TMEM26: variants seen among roughly 807,000 people sequenced by gnomAD.
TMEM26 encodes transmembrane protein 26.
Under a neutral mutation model 28.8 loss-of-function variants are expected in TMEM26, and 38 were observed. That is an observed-to-expected ratio of 1.32 (90% CI 1.02 to 1.73). The LOEUF is 1.73. TMEM26 is among the 40% of genes most tolerant of loss of function. The probability of loss-of-function intolerance (pLI) is 0.00; values close to 1 mark genes in which losing one functional copy is unlikely to be tolerated. For missense variants in TMEM26, 518 were observed against 447.1 expected, an observed-to-expected ratio of 1.16 and a Z score of -1.43; for synonymous variants, 227 against 182.9, an observed-to-expected ratio of 1.24 and a Z score of -1.95.
At chr10:61,417,297 GA>G (rs971438023) in intron 4 of TMEM26, among the ~76,000 whole-genome samples, 1 of 151,770 alleles carries the variant, frequency 6.6e-6, no homozygotes, top group Non-Finnish European at 1.5e-5. Flanking sequence ...TTTTCTATTT[GA>G]AAAAAATTGT....
Position 61,436,205 on chromosome 10 carries a change from A to G in TMEM26, c.235T>C (p.Ser79Pro), listed in dbSNP as rs1323961250. The change falls in exon 2 of 6, where the codon TCA (serine) becomes CCA (proline). Residue 79 changes from serine to proline, a missense_variant. Physicochemically the swap from Ser to Pro is moderately conservative, Grantham distance 74. Coordinates refer to ENST00000399298, the MANE Select transcript of TMEM26 (RefSeq NM_178505.8). ...IFLYLISIVP[S>P]LWLLELHHET... ...TGGTGCAATTCAAGAAGCCATAATG[A>G]TGGAACGATGCTAATCAGATATAAA... 3 of 1,610,860 alleles carry G rather than the reference A, an allele frequency of 1.9e-6. No individual in the cohort carries two copies. The highest frequency in any genetic ancestry group is 2.7e-5 in the African/African-American group (2 of 74,810).
rs142158544 is a variant in TMEM26 at position 61,425,133 on chromosome 10, G to A, written c.605+3793C>T. ...CAAGGAGGAGCAAATCACATCTTAC[G>A]TGGCTGACAGCAGGCAAAGAGGGCT... On this transcript the variant is annotated intron_variant, in intron 4 of 5. Transcript: ENST00000399298. 1.9e-4 allele frequency among the ~76,000 whole-genome samples: 29 copies of A among 152,194 alleles called. No homozygotes were observed. In the East Asian group the frequency reaches 4.1e-3, roughly 21 times the overall value.
At chr10:61,423,456 A>T (rs1386311213) in intron 4 of TMEM26, among the ~76,000 whole-genome samples, 1 of 152,248 alleles carries the variant, frequency 6.6e-6, no homozygotes, top group Non-Finnish European at 1.5e-5. Context: ...TGTAAAAAAT[A>T]TTACAGACTG....
At position 61,426,650 on chromosome 10, in the gene TMEM26, A is replaced by G. The variant is rs115459761; in HGVS notation, c.605+2276T>C. Among the ~76,000 whole-genome samples the G allele has an allele frequency of 8.0e-3, 1,217 of 152,250 alleles. 11 individuals are homozygous for G. The highest frequency in any genetic ancestry group is 0.023 in the African/African-American group (977 of 41,584). On this transcript the variant is annotated intron_variant, in intron 4 of 5. Coordinates refer to ENST00000399298, the MANE Select transcript of TMEM26 (RefSeq NM_178505.8). ...CTAAATCTATCAGCCTAAACTATGG[A>G]ATAAAACATTAGAAAAAGTAAAATG...
intron 2 of TMEM26, among the ~76,000 whole-genome samples, chr10:61,433,364 CT>C (rs1839953491): frequency 1.3e-5 from 2 of 152,116 alleles, no homozygotes; most frequent in South Asian, 4.1e-4. Context: ...TGTTTACATT[CT>C]GCCTCGTATA....
chr10:61,426,272 T>G (rs1371799350), intron 4 of TMEM26, among the ~76,000 whole-genome samples: 1 of 151,096 alleles, frequency 6.6e-6, no homozygotes, highest in Non-Finnish European at 1.5e-5. Flanking sequence ...CTGTTAAGAG[T>G]GAAGACTGAC....
At chr10:61,422,682 C>G (rs1361884507) in intron 4 of TMEM26, among the ~76,000 whole-genome samples, 2 of 151,824 alleles carry the variant, frequency 1.3e-5, no homozygotes, top group African/African-American at 2.4e-5. Flanking sequence ...CTTCAGATGT[C>G]TGTAATAGAG....
chr10:61,428,807 G>T (rs553188803), intron 4 of TMEM26, 119 bp downstream of exon 4: 2 of 831,896 alleles, frequency 2.4e-6, no homozygotes, highest in Admixed American at 2.5e-5. Context: ...TGATCCTAAC[G>T]TTGCATATAA....
In TMEM26 at chr10:61,410,374, A is replaced by T. The variant is rs1839548317; in HGVS notation, c.1055T>A (p.Ile352Asn). 6.2e-7 allele frequency: 1 copy of T among 1,614,036 alleles called. No individual in the cohort carries two copies. The highest frequency in any genetic ancestry group is 8.5e-7 in the Non-Finnish European group (1 of 1,180,020). ...WQNESKEGLA[I>N]PLRGSPVTSD... ...GGTGACTGGGGAGCCCCGCAAAGGA[A>T]TAGCCAGGCCCTCCTTAGACTCGTT... Residue 352 changes from isoleucine to asparagine, a missense_variant, in exon 6 of 6, where the codon ATT becomes AAT. Physicochemically the swap from Ile to Asn is moderately radical, Grantham distance 149. Coordinates refer to ENST00000399298, the MANE Select transcript of TMEM26 (RefSeq NM_178505.8).
At position 61,431,220 on chromosome 10, in the gene TMEM26, GTCTCAATGAGATCA is replaced by G; in HGVS notation, c.369_382del (p.Asp124GlyfsTer7). ...AATAAACAGTGGAAAAGCTCTCACC[GTCTCAATGAGATCA>G]TCAGCTCTACTGGTTTGTTCATTGG... On this transcript the variant is annotated frameshift_variant and splice_region_variant, in exon 3 of 6. Transcript: ENST00000399298. LOFTEE classifies it high-confidence loss of function. 6.2e-7 allele frequency: 1 copy of G among 1,610,876 alleles called. No homozygotes were observed. Among genetic ancestry groups the G allele is most frequent in the Non-Finnish European group, 8.5e-7 (1 of 1,177,446 alleles).
chr10:61,448,383 A>G (rs562645249), intron 1 of TMEM26, among the ~76,000 whole-genome samples: 10 of 152,358 alleles, frequency 6.6e-5, no homozygotes, highest in Admixed American at 3.3e-4. Flanking sequence ...CCCAAAAGGG[A>G]TGACTTAATA....
chr10:61,415,038 T>C (rs951700146), intron 4 of TMEM26: 1 of 985,268 alleles, frequency 1.0e-6, no homozygotes, highest in African/African-American at 1.7e-5. Context: ...TCACATTTTA[T>C]CATGACTTGG....
chr10:61,451,595 G>T (rs925041862), intron 1 of TMEM26, among the ~76,000 whole-genome samples: 2 of 152,064 alleles, frequency 1.3e-5, no homozygotes, highest in Non-Finnish European at 2.9e-5. Context: ...TTTTCTTTGA[G>T]ATTTCCAAAA....
chr10:61,426,500 T>A (rs1056667954), intron 4 of TMEM26, among the ~76,000 whole-genome samples: 1 of 152,060 alleles, frequency 6.6e-6, no homozygotes, highest in Non-Finnish European at 1.5e-5. Context: ...CTTAGGTAGA[T>A]GAACTTCAAT....
chr10:61,444,831 A>C (rs920767402), intron 1 of TMEM26, among the ~76,000 whole-genome samples: 2 of 152,024 alleles, frequency 1.3e-5, no homozygotes, highest in African/African-American at 2.4e-5. Context: ...GGGAAGAAGA[A>C]TCCTTCTCCA....
intron 4 of TMEM26, among the ~76,000 whole-genome samples, chr10:61,426,677 CATA>C (rs1233559498): frequency 1.3e-5 from 2 of 152,024 alleles, no homozygotes; most frequent in Non-Finnish European, 2.9e-5. Flanking sequence ...AGTAAAATGT[CATA>C]ATAATAGGCA....
At chr10:61,428,839 C>A in intron 4 of TMEM26, 87 bp downstream of exon 4, 2 of 1,144,614 alleles carry the variant, frequency 1.7e-6, no homozygotes, top group East Asian at 4.9e-5. Context: ...AATTCTTATT[C>A]ATGTGAAATA....
At position 61,428,930 on chromosome 10, in the gene TMEM26, C is replaced by T. The variant is rs776096494; in HGVS notation, c.601G>A (p.Val201Met). 2 of 1,612,890 alleles carry T rather than the reference C, an allele frequency of 1.2e-6. No homozygotes were observed. Among genetic ancestry groups the T allele is most frequent in the South Asian group, 1.1e-5 (1 of 91,056 alleles). Residue 201 changes from valine to methionine, a missense_variant, in exon 4 of 6, where the codon GTG (valine) becomes ATG (methionine). By Grantham distance (21) the Val-to-Met change is conservative (BLOSUM62 1). Transcript: ENST00000399298. Reference sequence around the variant, plus strand: ...TTTGCTGCAAGGAATGCTCACCTCACATTTTGTTCTTCTAGGGTCTCACTT... The same window carrying T: ...TTTGCTGCAAGGAATGCTCACCTCATATTTTGTTCTTCTAGGGTCTCACTT... ...FTSETLEEQN[V>M]RNSPALVYAI...
chr10:61,448,114 G>A (rs879741195), intron 1 of TMEM26, among the ~76,000 whole-genome samples: 5 of 152,254 alleles, frequency 3.3e-5, no homozygotes, highest in African/African-American at 4.8e-5. Flanking sequence ...AAAAGACTCT[G>A]TGCCTTCTCC....
Sources: gnomAD v4.1 joint callset for allele counts (sites outside exome capture counted in the v4.1 genomes callset) on GRCh38, gnomAD v4.1.1 for gene constraint, MANE v1.5 for transcripts, NCBI Gene and HGNC (gene_info 2026-07-23, HGNC 2026-07-21) for gene names.